Variants in FNBP1 observed in about 807,000 individuals in gnomAD.
FNBP1 encodes formin-binding protein 1.
Under a neutral mutation model 90.6 loss-of-function variants are expected in FNBP1, and 26 were observed. That is an observed-to-expected ratio of 0.29 (90% CI 0.21 to 0.40). The LOEUF (loss-of-function observed/expected upper bound fraction) is 0.40. Among genes scored for constraint, FNBP1 ranks in the 10% least tolerant of loss-of-function variants. The pLI, the probability that FNBP1 is intolerant of heterozygous loss-of-function variation, is 1.00. For missense variants in FNBP1, 635 were observed against 768.0 expected (o/e 0.83, Z 2.05); for synonymous variants, 260 against 265.2 (o/e 0.98, Z 0.19).
intron 1 of FNBP1, among the ~76,000 whole-genome samples, chr9:130,003,642 G>T (rs546248063): frequency 6.7e-6 from 1 of 150,010 alleles, no homozygotes; most frequent in African/African-American, 2.5e-5. Context: ...AAGTAGTCTT[G>T]GCCAGGCACG....
At chr9:129,903,800 G>A (rs1490892414) in intron 12 of FNBP1, among the ~76,000 whole-genome samples, 1 of 152,022 alleles carries the variant, frequency 6.6e-6, no homozygotes, top group East Asian at 1.9e-4. Flanking sequence ...CAAAGTGCTG[G>A]GATTACAGGC....
chr9:129,974,066 GC>G (rs897518547), intron 4 of FNBP1, among the ~76,000 whole-genome samples: 11 of 151,720 alleles, frequency 7.3e-5, no homozygotes, highest in Non-Finnish European at 1.6e-4. Flanking sequence ...CAAGTGATCT[GC>G]CCGCCTCAGC....
At chr9:129,976,091 T>C (rs2050266461) in intron 4 of FNBP1, among the ~76,000 whole-genome samples, 1 of 152,166 alleles carries the variant, frequency 6.6e-6, no homozygotes, top group African/African-American at 2.4e-5. Flanking sequence ...ACCTTAGTAT[T>C]CTGTTTCACT....
intron 6 of FNBP1, among the ~76,000 whole-genome samples, chr9:129,954,528 C>T (rs1474769393): frequency 6.6e-6 from 1 of 151,734 alleles, no homozygotes; most frequent in Non-Finnish European, 1.5e-5. Flanking sequence ...TTGAATTTGT[C>T]CCAGGAACAC....
chr9:129,914,960 A>G (rs760557089), intron 11 of FNBP1: 3 of 429,388 alleles, frequency 7.0e-6, no homozygotes, highest in Non-Finnish European at 1.5e-5. Flanking sequence ...GTATAGTTAT[A>G]GGTTATGTTA....
intron 1 of FNBP1, among the ~76,000 whole-genome samples, chr9:130,011,837 C>T (rs1354931948): frequency 6.6e-6 from 1 of 152,100 alleles, no homozygotes; most frequent in Admixed American, 6.5e-5. Context: ...TATATCAATC[C>T]TCCCCTAGAT....
At chr9:129,908,580 G>A (rs898981010) in intron 12 of FNBP1, among the ~76,000 whole-genome samples, 5 of 143,228 alleles carry the variant, frequency 3.5e-5, no homozygotes, top group Admixed American at 2.8e-4. Context: ...TGAGACAGAG[G>A]CTTGCTCTGT....
chr9:129,922,952 C>T (rs2131856579), intron 10 of FNBP1, among the ~76,000 whole-genome samples: 1 of 152,086 alleles, frequency 6.6e-6, no homozygotes, highest in Admixed American at 6.5e-5. Flanking sequence ...AACTCCTGAG[C>T]TCAAGTAATC....
At position 129,900,248 on chromosome 9, in the gene FNBP1, A is replaced by C. The variant is rs969898626; in HGVS notation, c.1551-147T>G. 8.9e-7 allele frequency: 1 copy of C among 1,126,612 alleles called. No individual in the cohort carries two copies. The highest frequency in any genetic ancestry group is 1.6e-5 in the African/African-American group (1 of 62,694). 69.8% of individuals were successfully genotyped at this position (1,126,612 alleles called of 1,614,324 possible). The stretch of plus-strand genomic sequence containing the variant: ...CCATGGTAAATCATCGCACGCTCAG[A>C]TCACCCATCCCATGTGGAATTATAA... On this transcript the variant is annotated intron_variant, in intron 14 of 16. Coordinates refer to ENST00000446176, the MANE Select transcript of FNBP1 (RefSeq NM_015033.3). The surrounding 1 kb of genome is among the most constrained non-coding windows in gnomAD (Gnocchi z 4.1).
chr9:129,908,743 G>A (rs2038655395), intron 12 of FNBP1, 147 bp downstream of exon 12: 1 of 561,444 alleles, frequency 1.8e-6, no homozygotes, highest in Admixed American at 3.0e-5. Context: ...AGTAGAGACG[G>A]GGTTTCACCA....
At chr9:130,039,562 G>T (rs2059638952) in intron 1 of FNBP1, among the ~76,000 whole-genome samples, 1 of 151,714 alleles carries the variant, frequency 6.6e-6, no homozygotes, top group Non-Finnish European at 1.5e-5. Flanking sequence ...TGTAGTCCCA[G>T]CTACTCAGGA....
At chr9:129,977,083 CG>C (rs2050439642) in intron 4 of FNBP1, among the ~76,000 whole-genome samples, 2 of 151,308 alleles carry the variant, frequency 1.3e-5, no homozygotes, top group South Asian at 4.2e-4. Context: ...CGCTTGAACC[CG>C]GGGGGCGGAG....
chr9:130,037,990 G>T (rs2059475281), intron 1 of FNBP1, among the ~76,000 whole-genome samples: 1 of 152,022 alleles, frequency 6.6e-6, no homozygotes, highest in South Asian at 2.1e-4. Context: ...CCACGATCAG[G>T]GTCAACATAT....
Position 129,966,254 on chromosome 9 carries a change from C to T in FNBP1, c.346-7701G>A, listed in dbSNP as rs1422402765. 6.6e-6 allele frequency among the ~76,000 whole-genome samples: 1 copy of T among 152,116 alleles called. No individual in the cohort carries two copies. The highest frequency in any genetic ancestry group is 1.5e-5 in the Non-Finnish European group (1 of 68,030). ...GAACTTACAAGGGTCTGAGGAATACCCTCCAAGCCGCAGGCAGAGCAAGTG... is the reference window on the plus strand; with the variant it reads ...GAACTTACAAGGGTCTGAGGAATACTCTCCAAGCCGCAGGCAGAGCAAGTG... On this transcript the variant is annotated intron_variant, in intron 4 of 16. Coordinates refer to ENST00000446176, the MANE Select transcript of FNBP1 (RefSeq NM_015033.3). This position sits in a 1 kb window ranked among gnomAD's most constrained non-coding sequence, Gnocchi z 4.3.
chr9:129,972,661 A>G (rs940625984), intron 4 of FNBP1, among the ~76,000 whole-genome samples: 3 of 151,442 alleles, frequency 2.0e-5, no homozygotes, highest in African/African-American at 7.3e-5. Flanking sequence ...CTTCCCGAGT[A>G]GCTAGGATTA....
At chr9:129,949,868 G>A (rs945973745) in intron 6 of FNBP1, among the ~76,000 whole-genome samples, 2 of 151,888 alleles carry the variant, frequency 1.3e-5, no homozygotes, top group Admixed American at 6.6e-5. Context: ...AAAAATGAAC[G>A]TATGCTTATA....
intron 16 of FNBP1, among the ~76,000 whole-genome samples, chr9:129,892,780 A>G (rs2035247783): frequency 6.6e-6 from 1 of 152,208 alleles, no homozygotes; most frequent in Non-Finnish European, 1.5e-5. Flanking sequence ...TTTACAAAAT[A>G]TCTTTTAACT....
chr9:129,980,959 G>A (rs2051141288), intron 2 of FNBP1, among the ~76,000 whole-genome samples: 2 of 151,580 alleles, frequency 1.3e-5, no homozygotes, highest in Middle Eastern at 3.4e-3. Flanking sequence ...GCTGAGGTAG[G>A]AGAATGGCAT....
intron 6 of FNBP1, among the ~76,000 whole-genome samples, chr9:129,937,552 G>A (rs2043668006): frequency 6.7e-6 from 1 of 149,096 alleles, no homozygotes; most frequent in Non-Finnish European, 1.5e-5. Context: ...CCAACACAGT[G>A]AAACCCCGTC....
Sources: gnomAD v4.1 joint callset for allele counts (sites outside exome capture counted in the v4.1 genomes callset) on GRCh38, gnomAD v4.1.1 for gene constraint, Gnocchi (gnomAD v3.1) non-coding constraint, MANE v1.5 for transcripts, NCBI Gene and HGNC (gene_info 2026-07-23, HGNC 2026-07-21) for gene names.